THSD4: variants seen among roughly 807,000 people sequenced by gnomAD.
THSD4 encodes thrombospondin type-1 domain-containing protein 4.
A neutral mutation model predicts 119.0 loss-of-function variants in THSD4; 69 were observed. The ratio of observed to expected loss-of-function variants is 0.58; its 90% CI spans 0.48 to 0.71. THSD4 has a LOEUF of 0.71. THSD4 is among the 30% of genes least tolerant of loss of function. The pLI is 0.00. For missense variants in THSD4, 1,393 were observed against 1,391.1 expected (o/e 1.00, Z -0.02); for synonymous variants, 524 against 540.4 (o/e 0.97, Z 0.42).
intron 8 of THSD4, among the ~76,000 whole-genome samples, chr15:71,714,489 G>A (rs1244794921): frequency 1.3e-4 from 20 of 152,174 alleles, no homozygotes. Flanking sequence ...TTTAAAAGCA[G>A]AATTAATAAA....
Position 71,745,068 on chromosome 15 carries a change from TG to T in THSD4, c.1907-37del, listed in dbSNP as rs1567132170. 3 of 1,599,306 alleles carry T rather than the reference TG, an allele frequency of 1.9e-6. No individual in the cohort carries two copies. The South Asian group carries it at 3.3e-5, about 18-fold the overall frequency. On this transcript the variant is annotated intron_variant, in intron 11 of 17. Coordinates refer to ENST00000261862, the MANE Select transcript of THSD4 (RefSeq NM_024817.3). ...CCACCCATAGCCCAGCTTTCCAGTG[TG>T]TGGGACTGTCCTTCAGACATTCTCC...
chr15:71,317,515 A>G (rs1001272675), intron 6 of THSD4, among the ~76,000 whole-genome samples: 1 of 152,210 alleles, frequency 6.6e-6, no homozygotes, highest in African/African-American at 2.4e-5. Flanking sequence ...ATTCACTATC[A>G]TGAGAACAGC....
chr15:71,433,140 G>A (rs955103842), intron 7 of THSD4, among the ~76,000 whole-genome samples: 17 of 151,464 alleles, frequency 1.1e-4, no homozygotes, highest in African/African-American at 4.1e-4. Context: ...TGTGGAAGAC[G>A]GCATATTTAC....
chr15:71,781,970 C>G lies in THSD4; in HGVS notation c.*4596C>G, dbSNP rs539954805. 6.6e-6 allele frequency: 1 copy of G among 152,310 alleles called. No individual in the cohort carries two copies. Among genetic ancestry groups the G allele is most frequent in the Non-Finnish European group, 1.5e-5 (1 of 68,118 alleles). 9.4% of individuals were successfully genotyped at this position (152,310 alleles called of 1,614,324 possible). On this transcript the variant is annotated 3_prime_UTR_variant, in exon 18 of 18. Coordinates refer to ENST00000261862, the MANE Select transcript of THSD4 (RefSeq NM_024817.3). ...CAGCCATGGGGAGCCCACTGTGGGA[C>G]TGAAACCCTGAGCTGAATGCGGCCT... is the stretch of plus-strand genomic sequence containing the variant.
chr15:71,634,294 A>G (rs1474772150), intron 7 of THSD4, among the ~76,000 whole-genome samples: 8 of 152,204 alleles, frequency 5.3e-5, no homozygotes, highest in Non-Finnish European at 1.2e-4. Flanking sequence ...TTAGCAGAGT[A>G]CTTGGTATAG....
At chr15:71,384,347 C>T (rs62015553) in intron 6 of THSD4, among the ~76,000 whole-genome samples, 1 of 151,680 alleles carries the variant, frequency 6.6e-6, no homozygotes, top group East Asian at 1.9e-4. Flanking sequence ...CACTGCACTC[C>T]AGCCTGGGCA....
chr15:71,363,395 C>G (rs538112337), intron 6 of THSD4, among the ~76,000 whole-genome samples: 1 of 152,270 alleles, frequency 6.6e-6, no homozygotes, highest in South Asian at 2.1e-4. Context: ...TCTCAACTTT[C>G]CCTAGAAGCC....
chr15:71,126,578 G>A (rs1404221802), intron 1 of THSD4, among the ~76,000 whole-genome samples: 1 of 152,208 alleles, frequency 6.6e-6, no homozygotes. Context: ...CTGAGAACCA[G>A]GAAGATCTCA....
intron 3 of THSD4, among the ~76,000 whole-genome samples, chr15:71,160,787 G>A (rs1051934759): frequency 2.8e-5 from 4 of 143,186 alleles, no homozygotes; most frequent in African/African-American, 5.2e-5. Context: ...TTTTTTTTTA[G>A]TATCTTTTGT....
intron 8 of THSD4, among the ~76,000 whole-genome samples, chr15:71,682,748 A>C (rs1163620002): frequency 6.6e-6 from 1 of 152,114 alleles, no homozygotes; most frequent in African/African-American, 2.4e-5. Context: ...CATTTATTGT[A>C]TTCCATTTAT....
At chr15:71,203,648 A>T (rs1238881782) in intron 3 of THSD4, among the ~76,000 whole-genome samples, 2 of 152,240 alleles carry the variant, frequency 1.3e-5, no homozygotes, top group Non-Finnish European at 2.9e-5. Context: ...CCTGGGCGAC[A>T]GAGCAAGACT....
intron 1 of THSD4, among the ~76,000 whole-genome samples, chr15:71,126,271 C>T (rs1399625487): frequency 6.6e-6 from 1 of 152,198 alleles, no homozygotes; most frequent in African/African-American, 2.4e-5. Flanking sequence ...GCACAGGCCA[C>T]AGGAGGCTCT....
intron 7 of THSD4, among the ~76,000 whole-genome samples, chr15:71,511,886 G>A (rs954902941): frequency 9.2e-5 from 14 of 152,162 alleles, no homozygotes; most frequent in Non-Finnish European, 2.1e-4. Context: ...AGACGGTGTC[G>A]GGAATTTTAT....
At chr15:71,238,511 C>G (rs540369267) in intron 4 of THSD4, among the ~76,000 whole-genome samples, 2 of 152,296 alleles carry the variant, frequency 1.3e-5, no homozygotes, top group South Asian at 4.2e-4. Flanking sequence ...CACTCTCTGT[C>G]TCTATGGATT....
At chr15:71,552,923 C>G (rs994732371) in intron 7 of THSD4, among the ~76,000 whole-genome samples, 1 of 152,128 alleles carries the variant, frequency 6.6e-6, no homozygotes, top group Non-Finnish European at 1.5e-5. Flanking sequence ...CATGAGCCAC[C>G]GCACCAGCCT....
chr15:71,744,147 CTTTTTTTTTTTTT>C, intron 11 of THSD4, among the ~76,000 whole-genome samples: 1 of 102,764 alleles, frequency 9.7e-6, no homozygotes, highest in Admixed American at 1.0e-4. Context: ...ATTGAATCAG[CTTTTTTTTTTTTT>C]TTTTTTTTTT....
Position 71,488,310 on chromosome 15 carries a change from A to G in THSD4, c.1152+76487A>G, listed in dbSNP as rs148837451. Among the ~76,000 whole-genome samples the G allele has an allele frequency of 1.8e-3, 278 of 152,334 alleles. 2 individuals carry two copies. The highest frequency in any genetic ancestry group is 6.1e-3 in the African/African-American group (253 of 41,580). On this transcript the variant is annotated intron_variant, in intron 7 of 17. Transcript: ENST00000261862. Reference sequence around the variant, plus strand: ...CTGGCATACATGCCACCTGATTAGGATGCATCGTTCTTCTAATGTCCTGAA... The same window carrying G: ...CTGGCATACATGCCACCTGATTAGGGTGCATCGTTCTTCTAATGTCCTGAA...
Position 71,246,457 on chromosome 15 carries a change from G to A in THSD4, c.912+3361G>A, listed in dbSNP as rs145719995. On this transcript the variant is annotated intron_variant, in intron 5 of 17. Transcript: ENST00000261862. ...CTTTACCTTTACGCAGTGACAAAAC[G>A]AGATTGCCAAGAGACCCAACAATTC... 1.1e-4 allele frequency among the ~76,000 whole-genome samples: 16 copies of A among 152,244 alleles called. No individual in the cohort carries two copies. The East Asian group carries it at 2.3e-3, about 22-fold the overall frequency.
At chr15:71,632,355 C>G (rs1277153487) in intron 7 of THSD4, among the ~76,000 whole-genome samples, 1 of 152,206 alleles carries the variant, frequency 6.6e-6, no homozygotes. Flanking sequence ...TATGACCCCT[C>G]CTTGATCTGC....
Sources: allele counts gnomAD v4.1 joint callset (sites outside exome capture counted in the v4.1 genomes callset), GRCh38; gene constraint gnomAD v4.1.1; transcripts MANE v1.5; gene names NCBI Gene and HGNC (gene_info 2026-07-23, HGNC 2026-07-21).